The following PDLIM1 variants were observed in gnomAD, a reference collection of about 807,000 sequenced individuals.
The protein encoded by PDLIM1 is PDZ and LIM domain 1, also known as PDZ and LIM domain protein 1.
Under a neutral mutation model 35.2 loss-of-function variants are expected in PDLIM1, and 25 were observed. The observed-to-expected ratio is 0.71, with a 90% confidence interval of 0.52 to 0.99. PDLIM1 has a LOEUF of 0.99. PDLIM1 is among the 50% of genes least tolerant of loss of function. PDLIM1 has a pLI of 0.00. For missense variants in PDLIM1, 363 were observed against 415.3 expected (o/e 0.87, Z 1.09); for synonymous variants, 152 against 154.0 (o/e 0.99, Z 0.10).
At position 95,290,962 on chromosome 10, in the gene PDLIM1, C is replaced by G. The variant is rs769048775; in HGVS notation, c.-47G>C. 8 of 1,260,956 alleles carry G rather than the reference C, an allele frequency of 6.3e-6. No homozygotes were observed. The highest frequency in any genetic ancestry group is 2.1e-5 in the Admixed American group (1 of 46,790). 78.1% of individuals were successfully genotyped at this position (1,260,956 alleles called of 1,614,324 possible). A position where few individuals can be genotyped will look rare whatever the true frequency, so the allele number is the denominator to read the frequency against. ...GACCCGCGGGGACAGACGGGCAGGA[C>G]GCGCGGAACAGCTTGCAGGGCACCC... On this transcript the variant is annotated 5_prime_UTR_variant, in exon 1 of 7. Transcript: ENST00000329399. The surrounding 1 kb of genome is among the most constrained non-coding windows in gnomAD (Gnocchi z 4.7).
intron 1 of PDLIM1, among the ~76,000 whole-genome samples, chr10:95,286,929 T>C (rs753876927): frequency 6.6e-5 from 10 of 152,204 alleles, no homozygotes; most frequent in Non-Finnish European, 1.0e-4. Context: ...TAGGAGAATA[T>C]GACCCAGACG....
intron 4 of PDLIM1, among the ~76,000 whole-genome samples, chr10:95,250,043 C>T (rs2035254662): frequency 6.6e-6 from 1 of 152,188 alleles, no homozygotes; most frequent in Non-Finnish European, 1.5e-5. Flanking sequence ...AACCAAGGGT[C>T]TTTCTTTGTC....
At chr10:95,253,022 A>G (rs1487462839) in intron 4 of PDLIM1, among the ~76,000 whole-genome samples, 3 of 152,186 alleles carry the variant, frequency 2.0e-5, no homozygotes, top group African/African-American at 7.2e-5. Flanking sequence ...GACATAAAGA[A>G]GTGAAGTGAA....
rs1012750573 is a variant in PDLIM1, at chr10:95,290,480, G to A, written c.96+340C>T. Among the ~76,000 whole-genome samples the A allele has an allele frequency of 1.3e-5, 2 of 151,082 alleles. No individual in the cohort carries two copies. Among genetic ancestry groups the A allele is most frequent in the Non-Finnish European group, 2.9e-5 (2 of 67,832 alleles). The stretch of plus-strand genomic sequence containing the variant: ...GAAGGGAGAAGTGCCATCTCCCAGC[G>A]CGCGGGATCTGCGGGGACCCTCGTC... On this transcript the variant is annotated intron_variant, in intron 1 of 6. Coordinates refer to ENST00000329399, the MANE Select transcript of PDLIM1 (RefSeq NM_020992.4). This position sits in a 1 kb window ranked among gnomAD's most constrained non-coding sequence, Gnocchi z 4.7.
chr10:95,267,590 A>G (rs901321136), intron 3 of PDLIM1, among the ~76,000 whole-genome samples: 1 of 152,096 alleles, frequency 6.6e-6, no homozygotes, highest in Admixed American at 6.5e-5. Flanking sequence ...GATTTTTAAT[A>G]ATTATTTTTA....
chr10:95,289,269 C>T (rs1410092990), intron 1 of PDLIM1, among the ~76,000 whole-genome samples: 1 of 151,998 alleles, frequency 6.6e-6, no homozygotes, highest in African/African-American at 2.4e-5. Flanking sequence ...CCTGGACAAG[C>T]ATTTATTAAT....
At chr10:95,251,983 T>C (rs2035272048) in intron 4 of PDLIM1, among the ~76,000 whole-genome samples, 1 of 152,180 alleles carries the variant, frequency 6.6e-6, no homozygotes, top group Non-Finnish European at 1.5e-5. Context: ...GAGCCTGCTG[T>C]ATCTGACCAA....
intron 1 of PDLIM1, among the ~76,000 whole-genome samples, chr10:95,278,453 G>C (rs370062306): frequency 6.6e-6 from 1 of 152,230 alleles, no homozygotes; most frequent in South Asian, 2.1e-4. Flanking sequence ...AGTCTCCTGG[G>C]GGGAGACAAG....
intron 5 of PDLIM1, among the ~76,000 whole-genome samples, chr10:95,246,539 T>C (rs1418133759): frequency 3.3e-5 from 5 of 152,174 alleles, no homozygotes; most frequent in African/African-American, 7.2e-5. Flanking sequence ...ACAATAACTA[T>C]GAAGCGAGTA....
intron 4 of PDLIM1, among the ~76,000 whole-genome samples, chr10:95,256,942 T>C (rs1175000991): frequency 2.7e-5 from 3 of 113,170 alleles, no homozygotes; most frequent in African/African-American, 9.5e-5. Flanking sequence ...GCCATTGCAC[T>C]CCAGCCCAGG....
At position 95,268,852 on chromosome 10, in the gene PDLIM1, T is replaced by C. The variant is rs2035437906; in HGVS notation, c.259A>G (p.Lys87Glu). 1.2e-6 allele frequency: 2 copies of C among 1,607,558 alleles called. No homozygotes were observed. The highest frequency in any genetic ancestry group is 1.7e-4 in the Middle Eastern group (1 of 6,058). The change falls in exon 3 of 7, where the codon AAA becomes GAA. Residue 87 changes from lysine to glutamate, a missense_variant. Transcript: ENST00000329399. ...LTLTVARSEHKVWSPLVTEEG... is the reference protein window; with the variant it reads ...LTLTVARSEHEVWSPLVTEEG... Reference sequence around the variant, plus strand: ...TCCGTCACCAGAGGAGACCAGACTTTATGTTCAGATCTGCAACAGATTAAC... The same window carrying C: ...TCCGTCACCAGAGGAGACCAGACTTCATGTTCAGATCTGCAACAGATTAAC...
chr10:95,286,502 C>G (rs2035603224), intron 1 of PDLIM1, among the ~76,000 whole-genome samples: 1 of 152,078 alleles, frequency 6.6e-6, no homozygotes, highest in Non-Finnish European at 1.5e-5. Flanking sequence ...ATGATTTTCC[C>G]AGGATCACCC....
rs991190097 is a variant in PDLIM1 at position 95,290,005 on chromosome 10, G to A, written c.96+815C>T. 3.9e-5 allele frequency among the ~76,000 whole-genome samples: 6 copies of A among 152,180 alleles called. No individual in the cohort carries two copies. Among genetic ancestry groups the A allele is most frequent in the Non-Finnish European group, 8.8e-5 (6 of 68,018 alleles). The stretch of plus-strand genomic sequence containing the variant: ...TCCCTGGGGGTTTCACTTTATTAGG[G>A]GGGCAATGGTTCTGGTGGCCCCTGA... On this transcript the variant is annotated intron_variant, in intron 1 of 6. Transcript: ENST00000329399. The surrounding 1 kb of genome is among the most constrained non-coding windows in gnomAD (Gnocchi z 4.7).
chr10:95,276,036 A>T (rs1243411199), intron 1 of PDLIM1, among the ~76,000 whole-genome samples: 1 of 152,206 alleles, frequency 6.6e-6, no homozygotes, highest in African/African-American at 2.4e-5. Context: ...GAAAAAATTG[A>T]TTTAAACAAA....
chr10:95,238,343 T>TGA (rs2035144660), intron 6 of PDLIM1, among the ~76,000 whole-genome samples: 1 of 132,588 alleles, frequency 7.5e-6, no homozygotes. Flanking sequence ...AGGGCAGCCC[T>TGA]GATTTTTCTC....
chr10:95,250,544 A>C (rs1472587747), intron 4 of PDLIM1, among the ~76,000 whole-genome samples: 1 of 152,200 alleles, frequency 6.6e-6, no homozygotes, highest in Non-Finnish European at 1.5e-5. Flanking sequence ...ATGATACCAC[A>C]ATATCTTAAA....
chr10:95,237,858 G>A lies in PDLIM1; in HGVS notation c.*67C>T, dbSNP rs1018260319. The stretch of plus-strand genomic sequence containing the variant: ...GCAGAGAACTTTCAAGAGAGGAGAG[G>A]GCCAGAACACTGAGAGAAAAAGCTG... On this transcript the variant is annotated 3_prime_UTR_variant, in exon 7 of 7. Coordinates refer to ENST00000329399, the MANE Select transcript of PDLIM1 (RefSeq NM_020992.4). 5.0e-6 allele frequency: 7 copies of A among 1,391,142 alleles called. No homozygotes were observed. The highest frequency in any genetic ancestry group is 7.0e-6 in the Non-Finnish European group (7 of 997,142). 86.2% of individuals were successfully genotyped at this position (1,391,142 alleles called of 1,614,324 possible). A position where few individuals can be genotyped will look rare whatever the true frequency, so the allele number is the denominator to read the frequency against.
chr10:95,243,153 T>C (rs533777875), intron 5 of PDLIM1, among the ~76,000 whole-genome samples: 26 of 152,258 alleles, frequency 1.7e-4, no homozygotes, highest in African/African-American at 6.0e-4. Flanking sequence ...TGGGCACAGC[T>C]TGGGGGAGAA....
At chr10:95,276,823 T>C (rs2035515192) in intron 1 of PDLIM1, among the ~76,000 whole-genome samples, 5 of 142,292 alleles carry the variant, frequency 3.5e-5, no homozygotes, top group African/African-American at 1.3e-4. Flanking sequence ...TAGGCCACAC[T>C]ATCTGCTCTA....
Sources: allele counts gnomAD v4.1 joint callset (sites outside exome capture counted in the v4.1 genomes callset), GRCh38; gene constraint gnomAD v4.1.1; non-coding constraint Gnocchi (gnomAD v3.1); transcripts MANE v1.5; gene names NCBI Gene and HGNC (gene_info 2026-07-23, HGNC 2026-07-21).